ACAT1: variants seen among roughly 807,000 people sequenced by gnomAD.
ACAT1 encodes the protein acetyl-CoA acetyltransferase, mitochondrial.
ACAT1 carries 28 observed loss-of-function variants against 47.3 expected under a neutral mutation model. That is an observed-to-expected ratio of 0.59 (90% CI 0.44 to 0.81). The LOEUF (loss-of-function observed/expected upper bound fraction) is 0.81. ACAT1 is among the 30% of genes least tolerant of loss of function. The probability of loss-of-function intolerance (pLI) is 0.00; values close to 1 mark genes in which losing one functional copy is unlikely to be tolerated. For missense variants in ACAT1, 469 were observed against 524.3 expected, an observed-to-expected ratio of 0.89 and a Z score of 1.03; for synonymous variants, 181 against 173.6, an observed-to-expected ratio of 1.04 and a Z score of -0.34.
chr11:108,146,238 G>T lies in ACAT1; in HGVS notation c.1042G>T (p.Ala348Ser). 2 of 1,613,376 alleles carry T rather than the reference G, an allele frequency of 1.2e-6. No homozygotes were observed. The highest frequency in any genetic ancestry group is 3.3e-5 in the Admixed American group (2 of 60,018). ...KDVGLKKEDI[A>S]MWEVNEAFSL... ...TGTGGGATTGAAAAAAGAAGATATT[G>T]CAATGTGGGAAGTAAATGAAGCCTT... Residue 348 changes from alanine to serine, a missense_variant, in exon 11 of 12, where the codon GCA becomes TCA. Transcript: ENST00000265838.
At chr11:108,137,171 A>G (rs963327178) in intron 5 of ACAT1, among the ~76,000 whole-genome samples, 3 of 152,188 alleles carry the variant, frequency 2.0e-5, no homozygotes, top group Admixed American at 6.6e-5. Flanking sequence ...TCAAGAAAGG[A>G]TAGAAATAAA....
chr11:108,132,048 C>A, intron 2 of ACAT1, 94 bp downstream of exon 2: 1 of 789,012 alleles, frequency 1.3e-6, no homozygotes, highest in South Asian at 1.5e-5. Flanking sequence ...ATGTGAAAGT[C>A]AAAGCAGGAT....
intron 1 of ACAT1, among the ~76,000 whole-genome samples, chr11:108,125,638 G>A (rs1349043747): frequency 6.6e-6 from 1 of 152,176 alleles, no homozygotes; most frequent in Non-Finnish European, 1.5e-5. Context: ...GAAAAGACAT[G>A]AAGAATAGGC....
At chr11:108,142,963 C>T (rs1368377110) in intron 9 of ACAT1, 3 of 194,170 alleles carry the variant, frequency 1.5e-5, no homozygotes, top group East Asian at 1.2e-4. Flanking sequence ...TTAATTGATA[C>T]ATATTTCAAT....
chr11:108,142,565 G>A lies in ACAT1; in HGVS notation c.940+15G>A, dbSNP rs2077611790. On this transcript the variant is annotated intron_variant, in intron 9 of 11. Coordinates refer to ENST00000265838, the MANE Select transcript of ACAT1 (RefSeq NM_000019.4). ...AAGAATAGTAGGTAAGGCCAGGCGA[G>A]GTGGCTCACACCTGTAATCCCAGCA... is the stretch of plus-strand genomic sequence containing the variant. 6.3e-7 allele frequency: 1 copy of A among 1,599,700 alleles called. No individual in the cohort carries two copies.
intron 1 of ACAT1, among the ~76,000 whole-genome samples, chr11:108,123,080 C>A (rs1164390676): frequency 6.6e-6 from 1 of 151,654 alleles, no homozygotes; most frequent in Non-Finnish European, 1.5e-5. Context: ...CACACACACA[C>A]AAAAATTAGC....
At chr11:108,134,617 G>A (rs1439841701) in intron 4 of ACAT1, among the ~76,000 whole-genome samples, 1 of 137,442 alleles carries the variant, frequency 7.3e-6, no homozygotes, top group African/African-American at 2.8e-5. Context: ...CAACCTGGGC[G>A]ACAGAGTGAG....
chr11:108,147,327 C>G lies in ACAT1; in HGVS notation c.1221C>G (p.Tyr407Ter). The G allele has an allele frequency of 6.2e-7, 1 of 1,613,610 alleles. No individual in the cohort carries two copies. The highest frequency in any genetic ancestry group is 8.5e-7 in the Non-Finnish European group (1 of 1,179,748). Residue 407 changes from tyrosine to a stop codon, truncating the protein, a stop_gained, in exon 12 of 12, where the codon TAC (tyrosine) becomes TAG (stop). Coordinates refer to ENST00000265838, the MANE Select transcript of ACAT1 (RefSeq NM_000019.4). LOFTEE classifies it high-confidence loss of function. ...HLTHALKQGEYGLASICNGGG... is the reference protein window; with the variant it reads ...HLTHALKQGE ...CTCATGCCTTGAAGCAAGGAGAATA[C>G]GGTCTTGCCAGTATTTGCAATGGAG...
At chr11:108,126,261 C>T (rs1164100486) in intron 1 of ACAT1, among the ~76,000 whole-genome samples, 1 of 152,160 alleles carries the variant, frequency 6.6e-6, no homozygotes, top group Non-Finnish European at 1.5e-5. Flanking sequence ...CCTCGGCCTC[C>T]CAAAGGGCTG....
At chr11:108,132,716 T>C (rs2077385521) in intron 2 of ACAT1, among the ~76,000 whole-genome samples, 1 of 151,416 alleles carries the variant, frequency 6.6e-6, no homozygotes, top group South Asian at 2.1e-4. Context: ...TAGGTGGGCA[T>C]GGTGGCAGGC....
intron 1 of ACAT1, among the ~76,000 whole-genome samples, chr11:108,126,241 G>A (rs1219255212): frequency 1.3e-5 from 2 of 152,144 alleles, no homozygotes; most frequent in African/African-American, 4.8e-5. Flanking sequence ...AATCTCAAGT[G>A]ATCCACCTGC....
intron 1 of ACAT1, among the ~76,000 whole-genome samples, chr11:108,124,535 A>G (rs939803820): frequency 1.7e-4 from 26 of 152,062 alleles, no homozygotes; most frequent in Non-Finnish European, 4.4e-5. Context: ...TGCCCACCAC[A>G]GCCTCCTAAA....
chr11:108,121,952 G>A (rs1315785903), intron 1 of ACAT1: 5 of 534,528 alleles, frequency 9.4e-6, no homozygotes, highest in Non-Finnish European at 1.7e-5. Context: ...GCACGTGTCT[G>A]GGCGGGCAGG....
chr11:108,128,065 T>G (rs2077285903), intron 1 of ACAT1: 1 of 152,146 alleles, frequency 6.6e-6, no homozygotes. Flanking sequence ...GCTCAGCATA[T>G]TTCTCAAAGA....
chr11:108,126,982 A>AT (rs1372577953), intron 1 of ACAT1, among the ~76,000 whole-genome samples: 8 of 150,080 alleles, frequency 5.3e-5, no homozygotes, highest in Admixed American at 4.0e-4. Context: ...TTTTATTTTT[A>AT]TTTTTTTGTA....
intron 5 of ACAT1, among the ~76,000 whole-genome samples, 182 bp downstream of exon 5, chr11:108,135,424 C>G: frequency 6.6e-6 from 1 of 151,950 alleles, no homozygotes. Context: ...AAAATGATAG[C>G]GTAGGCTGGG....
Position 108,131,938 on chromosome 11 carries a change from CA to C in ACAT1, c.108del (p.Lys36AsnfsTer4). Reference protein sequence around the residue: ...EIRYVERSYVSKPTLKEVVIV... With the variant: ...EIRYVERSYVXKPTLKEVVIV... ...AGATATGTGGAACGGAGTTATGTAT[CA>C]AAACCCACTTTGAAGGTAAGTAATT... is the stretch of plus-strand genomic sequence containing the variant. On this transcript the variant is annotated frameshift_variant, in exon 2 of 12. Transcript: ENST00000265838. LOFTEE classifies it high-confidence loss of function. 1 of 1,500,570 alleles carries C rather than the reference CA, an allele frequency of 6.7e-7. No individual in the cohort carries two copies. The highest frequency in any genetic ancestry group is 9.2e-7 in the Non-Finnish European group (1 of 1,083,036). 93.0% of individuals were successfully genotyped at this position (1,500,570 alleles called of 1,614,324 possible).
Position 108,147,501 on chromosome 11 carries a change from A to AT in ACAT1, c.*115dup, listed in dbSNP as rs2077744914. 7.4e-7 allele frequency: 1 copy of AT among 1,354,580 alleles called. No individual in the cohort carries two copies. Among genetic ancestry groups the AT allele is most frequent in the Admixed American group, 1.9e-5 (1 of 52,072 alleles). 83.9% of individuals were successfully genotyped at this position (1,354,580 alleles called of 1,614,324 possible). ...CAGATAAGCTGTTTCATTTTTTATT[A>AT]TTTTCTATGTTAACTTTTAAAAATC... On this transcript the variant is annotated 3_prime_UTR_variant, in exon 12 of 12. Coordinates refer to ENST00000265838, the MANE Select transcript of ACAT1 (RefSeq NM_000019.4).
rs544411213 is a variant in ACAT1 at position 108,124,345 on chromosome 11, C to T, written c.72+2667C>T. On this transcript the variant is annotated intron_variant, in intron 1 of 11. Transcript: ENST00000265838. ...GTGGCACGATCTTGGCTTACTGCAA[C>T]CTTGGCCTCCCGGGTTCAAGCAGTT... is the stretch of plus-strand genomic sequence containing the variant. Among the ~76,000 whole-genome samples, 11 of 152,302 alleles carry T rather than the reference C, an allele frequency of 7.2e-5. 1 individual carries two copies. The highest frequency in any genetic ancestry group is 2.6e-4 in the African/African-American group (11 of 41,558).
Sources: allele counts gnomAD v4.1 joint callset (sites outside exome capture counted in the v4.1 genomes callset), GRCh38; gene constraint gnomAD v4.1.1; transcripts MANE v1.5; gene names NCBI Gene and HGNC (gene_info 2026-07-23, HGNC 2026-07-21).